The following SNTG1 variants were observed in gnomAD, a reference collection of about 807,000 sequenced individuals.
SNTG1 encodes the protein gamma-1-syntrophin.
SNTG1 carries 39 observed loss-of-function variants against 74.7 expected under a neutral mutation model. The observed-to-expected ratio is 0.52, with a 90% CI of 0.40 to 0.68. The LOEUF (loss-of-function observed/expected upper bound fraction) is 0.68. Among genes scored for constraint, SNTG1 ranks in the 30% least tolerant of loss-of-function variants. The probability of loss-of-function intolerance (pLI) is 0.00; values close to 1 mark genes in which losing one functional copy is unlikely to be tolerated. For synonymous variants in SNTG1, 254 were observed against 217.1 expected, an observed-to-expected ratio of 1.17 and a Z score of -1.49; for missense variants, 685 against 609.5, an observed-to-expected ratio of 1.12 and a Z score of -1.30.
chr8:50,670,093 T>C (rs1336145458), intron 15 of SNTG1, among the ~76,000 whole-genome samples: 1 of 152,152 alleles, frequency 6.6e-6, no homozygotes, highest in Non-Finnish European at 1.5e-5. Context: ...TCATACTGAA[T>C]GGGCAAAAAC....
intron 4 of SNTG1, among the ~76,000 whole-genome samples, chr8:50,402,612 A>C (rs1379422318): frequency 6.6e-6 from 1 of 152,052 alleles, no homozygotes; most frequent in Non-Finnish European, 1.5e-5. Context: ...GTATTTTCTG[A>C]TTATTCTACC....
At chr8:50,144,237 C>T (rs1037983415) in intron 1 of SNTG1, among the ~76,000 whole-genome samples, 1 of 152,172 alleles carries the variant, frequency 6.6e-6, no homozygotes, top group Non-Finnish European at 1.5e-5. Flanking sequence ...AGACAAATTA[C>T]TTAGAATGCA....
intron 1 of SNTG1, among the ~76,000 whole-genome samples, chr8:50,008,650 T>C (rs1486114456): frequency 6.6e-6 from 1 of 152,012 alleles, no homozygotes; most frequent in African/African-American, 2.4e-5. Flanking sequence ...CAAAGAAAAA[T>C]TCCATCAACC....
chr8:49,914,936 G>C (rs977691848), intron 1 of SNTG1: 2 of 152,162 alleles, frequency 1.3e-5, no homozygotes, highest in Admixed American at 6.5e-5. Context: ...AATTCAAATG[G>C]AGAGAGATCT....
At chr8:50,606,003 T>C (rs939435503) in intron 13 of SNTG1, among the ~76,000 whole-genome samples, 3 of 152,224 alleles carry the variant, frequency 2.0e-5, no homozygotes, top group East Asian at 1.9e-4. Context: ...ATCTTTTTGA[T>C]GTGTATTTGA....
intron 8 of SNTG1, among the ~76,000 whole-genome samples, chr8:50,462,744 T>G (rs1052998650): frequency 6.7e-5 from 10 of 149,158 alleles, no homozygotes; most frequent in African/African-American, 2.4e-4. Flanking sequence ...CCTCATGTAT[T>G]CATGTGTTTT....
chr8:50,257,895 A>G (rs1273094384), intron 2 of SNTG1, among the ~76,000 whole-genome samples: 9 of 152,218 alleles, frequency 5.9e-5, no homozygotes, highest in Non-Finnish European at 1.5e-5. Context: ...CTAGCAATTA[A>G]TGGAAGCCGA....
In SNTG1 at chr8:49,951,873, C is replaced by CAAAAAA. The variant is rs5891338; in HGVS notation, c.-103+39668_-103+39673dup. ...AACAGAAGGAAATCTGGAAAATTCA[C>CAAAAAA]AAAAAAAAAAAAAAAAAAAAAAAAA... On this transcript the variant is annotated intron_variant, in intron 1 of 18. Coordinates refer to ENST00000642720, the MANE Select transcript of SNTG1 (RefSeq NM_018967.5). Among the ~76,000 whole-genome samples the CAAAAAA allele has an allele frequency of 2.1e-3, 120 of 56,296 alleles. 1 individual carries two copies. The highest frequency in any genetic ancestry group is 2.7e-3 in the Non-Finnish European group (81 of 30,108). The allele number at this position is 56,296 out of a possible 152,430, so 36.9% of individuals were successfully genotyped here. A position where few individuals can be genotyped will look rare whatever the true frequency, so the allele number is the denominator to read the frequency against.
At chr8:49,998,401 C>T (rs1236553234) in intron 1 of SNTG1, among the ~76,000 whole-genome samples, 1 of 151,996 alleles carries the variant, frequency 6.6e-6, no homozygotes, top group African/African-American at 2.4e-5. Context: ...TAAACCTTAG[C>T]CTGCTGTAAC....
At chr8:49,940,958 T>C (rs550154372) in intron 1 of SNTG1, among the ~76,000 whole-genome samples, 1 of 152,262 alleles carries the variant, frequency 6.6e-6, no homozygotes, top group East Asian at 1.9e-4. Context: ...AATCAACATA[T>C]GTTTGATGGA....
chr8:50,178,339 T>G (rs1457478217), intron 2 of SNTG1, among the ~76,000 whole-genome samples: 3 of 150,526 alleles, frequency 2.0e-5, no homozygotes, highest in African/African-American at 7.5e-5. Flanking sequence ...TTTTTCTTCT[T>G]CTGGTCTCTT....
chr8:50,709,111 G>A (rs2095454108), intron 17 of SNTG1, 133 bp downstream of exon 17: 2 of 677,482 alleles, frequency 3.0e-6, no homozygotes, highest in Non-Finnish European at 2.5e-6. Context: ...TTTTGTTAAT[G>A]GAAGATAAAT....
At chr8:50,057,537 C>A (rs1820128530) in intron 1 of SNTG1, among the ~76,000 whole-genome samples, 1 of 152,048 alleles carries the variant, frequency 6.6e-6, no homozygotes, top group Non-Finnish European at 1.5e-5. Flanking sequence ...TGGTACTAAC[C>A]TGGGAAAATT....
rs142531745 is a variant in SNTG1 at position 50,059,123 on chromosome 8, G to A, written c.-102-113438G>A. 3.9e-5 allele frequency among the ~76,000 whole-genome samples: 6 copies of A among 152,100 alleles called. 1 individual carries two copies. Among genetic ancestry groups the A allele is most frequent in the Non-Finnish European group, 7.4e-5 (5 of 67,956 alleles). ...GAGTAGTATTCCATAGTACCCATGTGCCAGTTTATTTAGCCATTCTTCCAT... is the reference window on the plus strand; with the variant it reads ...GAGTAGTATTCCATAGTACCCATGTACCAGTTTATTTAGCCATTCTTCCAT... On this transcript the variant is annotated intron_variant, in intron 1 of 18. Coordinates refer to ENST00000642720, the MANE Select transcript of SNTG1 (RefSeq NM_018967.5).
intron 2 of SNTG1, among the ~76,000 whole-genome samples, chr8:50,340,279 C>T (rs565817942): frequency 5.9e-5 from 9 of 151,768 alleles, no homozygotes; most frequent in Non-Finnish European, 1.3e-4. Flanking sequence ...TGAAGAAGAG[C>T]AAAACAGAAG....
intron 17 of SNTG1, 136 bp downstream of exon 17, chr8:50,709,114 A>G: frequency 1.5e-6 from 1 of 669,648 alleles, no homozygotes; most frequent in Non-Finnish European, 2.5e-6. Flanking sequence ...TGTTAATGGA[A>G]GATAAATTAT....
intron 1 of SNTG1, among the ~76,000 whole-genome samples, chr8:49,990,388 G>A (rs1304218922): frequency 6.6e-6 from 1 of 151,946 alleles, no homozygotes; most frequent in African/African-American, 2.4e-5. Flanking sequence ...TTAGATTCTA[G>A]CTTGGTTACT....
At chr8:50,197,524 T>A (rs1464284498) in intron 2 of SNTG1, among the ~76,000 whole-genome samples, 1 of 152,044 alleles carries the variant, frequency 6.6e-6, no homozygotes, top group Non-Finnish European at 1.5e-5. Flanking sequence ...GGCCTTGTCA[T>A]CACAGGATAA....
At chr8:49,938,588 T>TTTTC (rs1808330024) in intron 1 of SNTG1, among the ~76,000 whole-genome samples, 1 of 35,672 alleles carries the variant, frequency 2.8e-5, no homozygotes. Flanking sequence ...TTTTCTTTTC[T>TTTTC]TTTCTTTTCT....
Sources: gnomAD v4.1 joint callset for allele counts (sites outside exome capture counted in the v4.1 genomes callset) on GRCh38, gnomAD v4.1.1 for gene constraint, MANE v1.5 for transcripts, NCBI Gene and HGNC (gene_info 2026-07-23, HGNC 2026-07-21) for gene names.